TNS3: variants seen among roughly 807,000 people sequenced by gnomAD.
TNS3 encodes the protein tensin 3, also known as tensin-3.
In TNS3, 45 loss-of-function variants were observed where a neutral mutation model predicts 140.9. The observed-to-expected ratio is 0.32, with a 90% CI of 0.25 to 0.41. TNS3 has a LOEUF of 0.41. Among genes scored for constraint, TNS3 ranks in the 10% least tolerant of loss-of-function variants. The pLI is 1.00. For synonymous variants in TNS3, 815 were observed against 788.4 expected (o/e 1.03, Z -0.56); for missense variants, 1,716 against 1,906.7 (o/e 0.90, Z 1.86).
chr7:47,300,117 T>C (rs1005558827), intron 23 of TNS3, among the ~76,000 whole-genome samples: 1 of 152,164 alleles, frequency 6.6e-6, no homozygotes, highest in Non-Finnish European at 1.5e-5. Context: ...GTGTTTTTTT[T>C]CCTCCTGCAT....
At chr7:47,366,342 A>G (rs1030930128) in intron 17 of TNS3, among the ~76,000 whole-genome samples, 4 of 152,200 alleles carry the variant, frequency 2.6e-5, no homozygotes, top group South Asian at 2.1e-4. Flanking sequence ...CTCCCAGCAC[A>G]TGACATACAA....
At position 47,433,059 on chromosome 7, in the gene TNS3, G is replaced by A. The variant is rs190109872; in HGVS notation, c.324+2223C>T. Among the ~76,000 whole-genome samples, 565 of 152,262 alleles carry A rather than the reference G, an allele frequency of 3.7e-3. 2 individuals carry two copies. Among genetic ancestry groups the A allele is most frequent in the African/African-American group, 0.013 (520 of 41,534 alleles). ...AATAACCAGGGTGTGGAGGGGTGAG[G>A]AGGAGACTGCACACACCCACACAAA... is the stretch of plus-strand genomic sequence containing the variant. On this transcript the variant is annotated intron_variant, in intron 8 of 30. Coordinates refer to ENST00000311160, the MANE Select transcript of TNS3 (RefSeq NM_022748.12).
chr7:47,501,912 G>A (rs1798240553), intron 3 of TNS3, among the ~76,000 whole-genome samples: 1 of 152,186 alleles, frequency 6.6e-6, no homozygotes, highest in Admixed American at 6.5e-5. Flanking sequence ...CAAGAGGAGT[G>A]AGCCCCAAGC....
chr7:47,416,504 C>CA (rs1412642016), intron 10 of TNS3, among the ~76,000 whole-genome samples: 3 of 151,934 alleles, frequency 2.0e-5, no homozygotes, highest in Non-Finnish European at 3.0e-5. Context: ...AGTTACAATT[C>CA]GTAGTGAGAA....
chr7:47,545,853 T>C (rs1799906189), intron 1 of TNS3, among the ~76,000 whole-genome samples: 1 of 151,990 alleles, frequency 6.6e-6, no homozygotes, highest in African/African-American at 2.4e-5. Flanking sequence ...GCTCCTCAAA[T>C]CCCCTGCAGG....
chr7:47,361,396 T>A (rs1329528317), intron 17 of TNS3, among the ~76,000 whole-genome samples: 4 of 151,926 alleles, frequency 2.6e-5, no homozygotes, highest in Non-Finnish European at 5.9e-5. Context: ...CTGCCTCTCC[T>A]CCAGACCATC....
intron 20 of TNS3, among the ~76,000 whole-genome samples, chr7:47,326,561 C>A (rs1562596164): frequency 6.6e-6 from 1 of 151,898 alleles, no homozygotes; most frequent in Non-Finnish European, 1.5e-5. Flanking sequence ...GAAGCCCCAG[C>A]AGAAGACAGC....
In TNS3 at chr7:47,489,823, G is replaced by C. The variant is rs565966237; in HGVS notation, c.-114-8682C>G. Among the ~76,000 whole-genome samples, 6 of 152,256 alleles carry C rather than the reference G, an allele frequency of 3.9e-5. No individual in the cohort carries two copies. The South Asian group carries it at 1.0e-3, about 26-fold the overall frequency. On this transcript the variant is annotated intron_variant, in intron 3 of 30. Coordinates refer to ENST00000311160, the MANE Select transcript of TNS3 (RefSeq NM_022748.12). Reference sequence around the variant, plus strand: ...CAAAGGGCACAGCACAGGATCGCTCGGGGGCCCAAACGCCTTCCTGCAGTG... The same window carrying C: ...CAAAGGGCACAGCACAGGATCGCTCCGGGGCCCAAACGCCTTCCTGCAGTG...
intron 4 of TNS3, among the ~76,000 whole-genome samples, chr7:47,474,117 A>AACACAC (rs35049083): frequency 0.032 from 4,636 of 145,342 alleles, 92 homozygotes; most frequent in African/African-American, 0.045. Flanking sequence ...AGCAAGTCTC[A>AACACAC]ACACACACAC....
chr7:47,480,431 G>A (rs1047960696), intron 4 of TNS3, among the ~76,000 whole-genome samples: 1 of 152,172 alleles, frequency 6.6e-6, no homozygotes, highest in Non-Finnish European at 1.5e-5. Flanking sequence ...AGAGGGTCCT[G>A]TATCCTACTG....
At chr7:47,498,048 G>C (rs1394021834) in intron 3 of TNS3, among the ~76,000 whole-genome samples, 1 of 152,184 alleles carries the variant, frequency 6.6e-6, no homozygotes, top group African/African-American at 2.4e-5. Flanking sequence ...CAGGGTGGAG[G>C]TGGGGAGTGA....
intron 3 of TNS3, among the ~76,000 whole-genome samples, chr7:47,485,497 G>A (rs1472447240): frequency 6.6e-6 from 1 of 152,214 alleles, no homozygotes; most frequent in Non-Finnish European, 1.5e-5. Flanking sequence ...CTCATAATGA[G>A]CAGCTCCCTC....
chr7:47,351,723 G>A (rs79736513), intron 17 of TNS3, among the ~76,000 whole-genome samples: 2,738 of 152,280 alleles, frequency 0.018, 37 homozygotes, highest in Non-Finnish European at 0.028. Context: ...TCTGCTGTGT[G>A]CAAGAAAGAA....
At chr7:47,440,434 C>A (rs1381975501) in intron 5 of TNS3, among the ~76,000 whole-genome samples, 1 of 152,182 alleles carries the variant, frequency 6.6e-6, no homozygotes, top group African/African-American at 2.4e-5. Context: ...GCCACCCAAC[C>A]AGGTGCCCAG....
At position 47,276,583 on chromosome 7, in the gene TNS3, G is replaced by A. The variant is rs892809663; in HGVS notation, c.*1493C>T. On this transcript the variant is annotated 3_prime_UTR_variant, in exon 31 of 31. Coordinates refer to ENST00000311160, the MANE Select transcript of TNS3 (RefSeq NM_022748.12). ...CAGAGCACCTAGGCTGTGAGAGGAT[G>A]GGGCCAAGGCCTTATTCTGATGTGG... 3.9e-5 allele frequency: 6 copies of A among 152,220 alleles called. No individual in the cohort carries two copies. The highest frequency in any genetic ancestry group is 1.4e-4 in the African/African-American group (6 of 41,430). The allele number at this position is 152,220 out of a possible 1,614,324, so 9.4% of individuals were successfully genotyped here.
chr7:47,391,285 C>T (rs1792501696), intron 16 of TNS3, among the ~76,000 whole-genome samples: 1 of 152,200 alleles, frequency 6.6e-6, no homozygotes, highest in Admixed American at 6.5e-5. Flanking sequence ...GTACACGGTG[C>T]ACCCTGTGGC....
Position 47,427,512 on chromosome 7 carries a change from AC to A in TNS3, c.389+799del, listed in dbSNP as rs1467629393. ...GAAGACAGGGCAGATGCAAATGTAG[AC>A]CCCATAAATAATATTTTCTGCACTG... is the stretch of plus-strand genomic sequence containing the variant. On this transcript the variant is annotated intron_variant, in intron 9 of 30. Transcript: ENST00000311160. Among the ~76,000 whole-genome samples the A allele has an allele frequency of 2.0e-5, 3 of 152,236 alleles. No homozygotes were observed. The East Asian group carries it at 5.8e-4, about 29-fold the overall frequency.
chr7:47,325,684 G>A (rs1436690944), intron 20 of TNS3, among the ~76,000 whole-genome samples: 1 of 152,072 alleles, frequency 6.6e-6, no homozygotes, highest in Non-Finnish European at 1.5e-5. Flanking sequence ...CCTGTCTCAG[G>A]TGAGCCTAAT....
At chr7:47,546,868 A>G (rs1799934314) in intron 1 of TNS3, among the ~76,000 whole-genome samples, 1 of 152,202 alleles carries the variant, frequency 6.6e-6, no homozygotes, top group Non-Finnish European at 1.5e-5. Flanking sequence ...CTGGTAAGAC[A>G]CGGCTGTGCT....
Sources: gnomAD v4.1 joint callset for allele counts (sites outside exome capture counted in the v4.1 genomes callset) on GRCh38, gnomAD v4.1.1 for gene constraint, MANE v1.5 for transcripts, NCBI Gene and HGNC (gene_info 2026-07-23, HGNC 2026-07-21) for gene names.